The following RTTN variants were observed in gnomAD, a reference collection of about 807,000 sequenced individuals.
The protein encoded by RTTN is rotatin.
RTTN carries 182 observed loss-of-function variants against 269.2 expected under a neutral mutation model. That is an observed-to-expected ratio of 0.68 (90% CI 0.60 to 0.76). The LOEUF (loss-of-function observed/expected upper bound fraction) is 0.76. RTTN is among the 30% of genes least tolerant of loss of function. The pLI is 0.00. For synonymous variants in RTTN, 1,006 were observed against 963.5 expected, an observed-to-expected ratio of 1.04 and a Z score of -0.82; for missense variants, 2,545 against 2,608.6, an observed-to-expected ratio of 0.98 and a Z score of 0.53.
At chr18:70,061,997 G>A (rs2058000888) in intron 35 of RTTN, among the ~76,000 whole-genome samples, 1 of 151,990 alleles carries the variant, frequency 6.6e-6, no homozygotes. Flanking sequence ...TTACTTATTT[G>A]CCTTGCCTTA....
Position 70,169,072 on chromosome 18 carries a change from G to A in RTTN, c.1477-5C>T, listed in dbSNP as rs2061067172. The A allele has an allele frequency of 6.4e-7, 1 of 1,562,462 alleles. No homozygotes were observed. The highest frequency in any genetic ancestry group is 8.6e-7 in the Non-Finnish European group (1 of 1,162,004). On this transcript the variant is annotated splice_region_variant and splice_polypyrimidine_tract_variant and intron_variant, in intron 11 of 48. Coordinates refer to ENST00000640769, the MANE Select transcript of RTTN (RefSeq NM_173630.4). ...CTCTGATAAAAACTCGCTTGCCTTG[G>A]TGAATTAAAAAAACAAAAAAATTAA...
chr18:70,183,472 G>C (rs1003129282), intron 10 of RTTN, among the ~76,000 whole-genome samples: 3 of 152,194 alleles, frequency 2.0e-5, no homozygotes, highest in African/African-American at 7.2e-5. Flanking sequence ...CAACCAGGCA[G>C]AGTAGACAGT....
At chr18:70,104,801 G>GCAGAAGAGCAAATGTTA (rs1268168484) in intron 28 of RTTN, among the ~76,000 whole-genome samples, 1 of 152,186 alleles carries the variant, frequency 6.6e-6, no homozygotes, top group Admixed American at 6.5e-5. Context: ...AGCGGAGGCT[G>GCAGAAGAGCAAATGTTA]CAGAAGAGCA....
chr18:70,044,969 G>C (rs2057453013), intron 40 of RTTN, among the ~76,000 whole-genome samples: 1 of 152,142 alleles, frequency 6.6e-6, no homozygotes, highest in African/African-American at 2.4e-5. Context: ...ACAGATAAGA[G>C]GAGACTACTG....
chr18:70,175,800 A>G (rs966155026), intron 11 of RTTN, among the ~76,000 whole-genome samples: 2 of 152,178 alleles, frequency 1.3e-5, no homozygotes, highest in African/African-American at 4.8e-5. Flanking sequence ...CAAGAAAAAG[A>G]AAAGGTTCCA....
intron 28 of RTTN, among the ~76,000 whole-genome samples, chr18:70,103,295 T>C (rs1023237376): frequency 1.1e-4 from 16 of 151,462 alleles, no homozygotes; most frequent in African/African-American, 2.7e-4. Flanking sequence ...ATGATGACTA[T>C]GGCAGTTTTG....
intron 31 of RTTN, 85 bp downstream of exon 31, chr18:70,087,904 A>AC: frequency 7.1e-7 from 1 of 1,402,526 alleles, no homozygotes; most frequent in Non-Finnish European, 9.9e-7. Context: ...TGGTCAGTCC[A>AC]CCATGTTGAG....
chr18:70,113,036 T>A (rs892884694), intron 27 of RTTN, among the ~76,000 whole-genome samples: 2 of 152,106 alleles, frequency 1.3e-5, no homozygotes, highest in Admixed American at 6.5e-5. Context: ...CACAACTATA[T>A]GGAAACCGAA....
At chr18:70,113,821 T>C (rs1012408913) in intron 27 of RTTN, among the ~76,000 whole-genome samples, 1 of 152,158 alleles carries the variant, frequency 6.6e-6, no homozygotes, top group Non-Finnish European at 1.5e-5. Context: ...TTCATTTATG[T>C]GATATATCCA....
chr18:70,029,490 G>C (rs1277491924), intron 42 of RTTN, among the ~76,000 whole-genome samples: 3 of 152,080 alleles, frequency 2.0e-5, no homozygotes, highest in Non-Finnish European at 4.4e-5. Context: ...AGAAGGCACA[G>C]GAGGAGATAA....
intron 28 of RTTN, among the ~76,000 whole-genome samples, chr18:70,108,184 G>C (rs2059371973): frequency 6.6e-6 from 1 of 152,066 alleles, no homozygotes; most frequent in Non-Finnish European, 1.5e-5. Context: ...GGCTGAGGCA[G>C]GAGAATCACT....
At chr18:70,033,612 T>C (rs991475148) in intron 40 of RTTN, among the ~76,000 whole-genome samples, 3 of 152,246 alleles carry the variant, frequency 2.0e-5, no homozygotes, top group Admixed American at 1.3e-4. Flanking sequence ...AATGCCCATA[T>C]TGAAAAGTTA....
intron 40 of RTTN, among the ~76,000 whole-genome samples, chr18:70,037,257 C>T (rs2057202627): frequency 6.6e-6 from 1 of 152,196 alleles, no homozygotes; most frequent in Non-Finnish European, 1.5e-5. Flanking sequence ...AGCCACTGGA[C>T]TATGGTGGCA....
intron 19 of RTTN, among the ~76,000 whole-genome samples, chr18:70,140,677 GATTAT>G (rs956216939): frequency 6.6e-6 from 1 of 151,764 alleles, no homozygotes; most frequent in African/African-American, 2.4e-5. Flanking sequence ...AAAGGAACAA[GATTAT>G]AATACACTAT....
At chr18:70,073,884 C>T (rs762567207) in intron 34 of RTTN, 22 bp downstream of exon 34, 1 of 1,554,846 alleles carries the variant, frequency 6.4e-7, no homozygotes, top group South Asian at 1.1e-5. Flanking sequence ...AAATAAAGGA[C>T]TTATGCATTC....
Position 70,175,446 on chromosome 18 carries a change from T to C in RTTN, c.1476+1229A>G, listed in dbSNP as rs181414266. On this transcript the variant is annotated intron_variant, in intron 11 of 48. Transcript: ENST00000640769. ...TATATTACGTAACTCAAACTACAAA[T>C]ATGGTTTAGACATAAAACAAGTTAC... Among the ~76,000 whole-genome samples, 7 of 152,190 alleles carry C rather than the reference T, an allele frequency of 4.6e-5. No homozygotes were observed. In the East Asian group the frequency reaches 1.4e-3, roughly 29 times the overall value.
rs376338760 is a variant in RTTN at position 70,148,919 on chromosome 18, A to C, written c.2291T>G (p.Leu764Trp). The C allele has an allele frequency of 5.0e-6, 8 of 1,613,360 alleles. No homozygotes were observed. The highest frequency in any genetic ancestry group is 1.3e-5 in the African/African-American group (1 of 74,888). ...TACTCACGATGGCTTTTTCACTAGC[A>C]AAAGTCGCAGCATGGACTTTAATCG... Reference protein sequence around the residue: ...TTRLKSMLRLLLVKKPSVRSL... With the variant: ...TTRLKSMLRLWLVKKPSVRSL... Residue 764 changes from leucine (L) to tryptophan (W), a missense_variant, in exon 17 of 49, where the codon TTG (leucine) becomes TGG (tryptophan). Transcript: ENST00000640769.
rs777291095 is a variant in RTTN at position 70,149,965 on chromosome 18, G to A, written c.2172+6C>T. The A allele has an allele frequency of 1.2e-5, 18 of 1,562,408 alleles. No homozygotes were observed. Among genetic ancestry groups the A allele is most frequent in the Non-Finnish European group, 7.9e-6 (9 of 1,133,618 alleles). On this transcript the variant is annotated splice_donor_region_variant and intron_variant, in intron 16 of 48. Coordinates refer to ENST00000640769, the MANE Select transcript of RTTN (RefSeq NM_173630.4). ...GGTATCATAAAAAGTGAATTTCACA[G>A]AATACCTGTAGTATTGGGATGACAG...
intron 34 of RTTN, among the ~76,000 whole-genome samples, chr18:70,068,981 G>C (rs535661497): frequency 6.6e-6 from 1 of 152,306 alleles, no homozygotes; most frequent in East Asian, 1.9e-4. Context: ...AACAGACTCA[G>C]ATTAGTGTAA....
Sources: gnomAD v4.1 joint callset for allele counts (sites outside exome capture counted in the v4.1 genomes callset) on GRCh38, gnomAD v4.1.1 for gene constraint, MANE v1.5 for transcripts, NCBI Gene and HGNC (gene_info 2026-07-23, HGNC 2026-07-21) for gene names.